The following EHMT1 variants were observed in gnomAD, a reference collection of about 807,000 sequenced individuals.
The protein encoded by EHMT1 is euchromatic histone lysine methyltransferase 1, also known as histone-lysine N-methyltransferase EHMT1.
In EHMT1, 15 loss-of-function variants were observed where a neutral mutation model predicts 147.2. The observed-to-expected ratio is 0.10, with a 90% CI of 0.07 to 0.16. The LOEUF is 0.16. EHMT1 is among the 10% of genes least tolerant of loss of function. The pLI, the probability that EHMT1 is intolerant of heterozygous loss-of-function variation, is 1.00. For synonymous variants in EHMT1, 795 were observed against 709.6 expected, an observed-to-expected ratio of 1.12 and a Z score of -1.91; for missense variants, 1,587 against 1,772.4, an observed-to-expected ratio of 0.90 and a Z score of 1.88.
chr9:137,807,478 C>CTTAT (rs60007941), intron 18 of EHMT1, among the ~76,000 whole-genome samples: 188 of 148,106 alleles, frequency 1.3e-3, no homozygotes, highest in East Asian at 3.2e-3. Context: ...GCTTTATTTA[C>CTTAT]TTATTTATTT....
In EHMT1 at chr9:137,776,592, A is replaced by T. The variant is rs59999550; in HGVS notation, c.1792-26A>T. 7.7e-4 allele frequency: 1,232 copies of T among 1,603,196 alleles called. 8 individuals are homozygous for T. The African/African-American group carries it at 0.014, about 18-fold the overall frequency. ...AATATTAACCCCAATTAAAACAAAA[A>T]TTTTTTTTTGTCCTCCCATTTTTAG... is the stretch of plus-strand genomic sequence containing the variant. On this transcript the variant is annotated intron_variant, in intron 11 of 26. Transcript: ENST00000460843. This position sits in a 1 kb window ranked among gnomAD's most constrained non-coding sequence, Gnocchi z 4.4.
intron 25 of EHMT1, among the ~76,000 whole-genome samples, chr9:137,832,083 C>T (rs1215766150): frequency 3.2e-4 from 48 of 148,606 alleles, no homozygotes; most frequent in South Asian, 4.3e-4. Context: ...CCTACGTGGC[C>T]GCTGCACTTC....
intron 3 of EHMT1, among the ~76,000 whole-genome samples, chr9:137,727,764 A>G (rs1407728511): frequency 6.6e-6 from 1 of 152,234 alleles, no homozygotes; most frequent in African/African-American, 2.4e-5. Flanking sequence ...TGTTGGTATC[A>G]CAGCCTTGCC....
intron 1 of EHMT1, among the ~76,000 whole-genome samples, chr9:137,634,366 AGTT>A (rs1430149092): frequency 6.6e-6 from 1 of 152,198 alleles, no homozygotes; most frequent in Non-Finnish European, 1.5e-5. Context: ...TTTCATGTAC[AGTT>A]GGCTCAGCAG....
intron 1 of EHMT1, among the ~76,000 whole-genome samples, chr9:137,622,239 T>C (rs1977480): frequency 0.052 from 7,897 of 151,848 alleles, 264 homozygotes; most frequent in South Asian, 0.15. Flanking sequence ...GTGCCTCAGC[T>C]TTCCTGGTAG....
chr9:137,731,904 AG>A lies in EHMT1; in HGVS notation c.823+3377del, dbSNP rs1302240591. Among the ~76,000 whole-genome samples, 1 of 152,178 alleles carries A rather than the reference AG, an allele frequency of 6.6e-6. No homozygotes were observed. The highest frequency in any genetic ancestry group is 1.5e-5 in the Non-Finnish European group (1 of 68,016). On this transcript the variant is annotated intron_variant, in intron 4 of 26. Transcript: ENST00000460843. The surrounding 1 kb of genome is among the most constrained non-coding windows in gnomAD (Gnocchi z 4.3). ...CTCTGTGCAGAGCTGTGGCTGGATG[AG>A]GCATACCACAAGCAGTTTACACTGC...
At chr9:137,760,785 A>G (rs1457205446) in intron 9 of EHMT1, among the ~76,000 whole-genome samples, 3 of 152,224 alleles carry the variant, frequency 2.0e-5, no homozygotes, top group Non-Finnish European at 4.4e-5. Context: ...CGAGGTGGGC[A>G]GATCACAAGG....
intron 1 of EHMT1, among the ~76,000 whole-genome samples, chr9:137,632,928 G>A (rs1469275887): frequency 6.6e-6 from 1 of 152,208 alleles, no homozygotes; most frequent in Non-Finnish European, 1.5e-5. Context: ...GACCTCATCA[G>A]GTTTGCGTGT....
At chr9:137,817,354 A>G (rs560305356) in intron 23 of EHMT1, 85 bp from the exon 24 acceptor site, 2 of 1,468,432 alleles carry the variant, frequency 1.4e-6, no homozygotes, top group African/African-American at 1.4e-5. Flanking sequence ...CATTTCAGTG[A>G]CGTGGCACCA....
At chr9:137,730,682 A>T (rs1206704761) in intron 4 of EHMT1, among the ~76,000 whole-genome samples, 1 of 152,108 alleles carries the variant, frequency 6.6e-6, no homozygotes, top group East Asian at 1.9e-4. Flanking sequence ...TGTTGCTCAC[A>T]TTGTCCCAAG....
In EHMT1 at chr9:137,731,837, C is replaced by T. The variant is rs935366003; in HGVS notation, c.823+3308C>T. On this transcript the variant is annotated intron_variant, in intron 4 of 26. Coordinates refer to ENST00000460843, the MANE Select transcript of EHMT1 (RefSeq NM_024757.5). The surrounding 1 kb of genome is among the most constrained non-coding windows in gnomAD (Gnocchi z 4.3). ...GTGGGGCCACTGTGCACAGCCAGGC[C>T]TGCTTGGCTGCTGTGGTGGGGCAGG... 6.6e-6 allele frequency among the ~76,000 whole-genome samples: 1 copy of T among 152,234 alleles called. No homozygotes were observed. Among genetic ancestry groups the T allele is most frequent in the African/African-American group, 2.4e-5 (1 of 41,458 alleles).
intron 25 of EHMT1, among the ~76,000 whole-genome samples, chr9:137,830,212 G>T (rs149205537): frequency 6.6e-6 from 1 of 152,048 alleles, no homozygotes. Flanking sequence ...AGGCGAGCCC[G>T]TCTCCTTTGG....
chr9:137,717,293 C>T (rs372827513), intron 3 of EHMT1, 111 bp downstream of exon 3: 35 of 1,384,042 alleles, frequency 2.5e-5, no homozygotes, highest in Middle Eastern at 2.4e-4. Context: ...AGTGGTTATC[C>T]GACAGGGCCT....
At chr9:137,734,537 A>G (rs1947372106) in intron 4 of EHMT1, among the ~76,000 whole-genome samples, 1 of 152,214 alleles carries the variant, frequency 6.6e-6, no homozygotes. Flanking sequence ...GGAGTCCAGG[A>G]AGAAGAGAGT....
chr9:137,774,922 C>G (rs1015155642), intron 10 of EHMT1, among the ~76,000 whole-genome samples, 187 bp from the exon 11 acceptor site: 2 of 152,202 alleles, frequency 1.3e-5, no homozygotes, highest in African/African-American at 4.8e-5. Flanking sequence ...TGTTTGTCCC[C>G]CGTGCTGAGG....
At chr9:137,686,168 T>G (rs145288478) in intron 1 of EHMT1, among the ~76,000 whole-genome samples, 1 of 152,346 alleles carries the variant, frequency 6.6e-6, no homozygotes, top group East Asian at 1.9e-4. Flanking sequence ...TGTCTTTTTA[T>G]TTCTTGATGG....
At chr9:137,637,266 C>G (rs1200827436) in intron 1 of EHMT1, among the ~76,000 whole-genome samples, 2 of 152,116 alleles carry the variant, frequency 1.3e-5, no homozygotes, top group African/African-American at 4.8e-5. Flanking sequence ...GCCTCCGCCT[C>G]CTGGGTTCAA....
At chr9:137,754,852 C>A (rs1949256477) in intron 8 of EHMT1, among the ~76,000 whole-genome samples, 1 of 152,184 alleles carries the variant, frequency 6.6e-6, no homozygotes, top group Admixed American at 6.5e-5. Context: ...CGAGGTGAAT[C>A]ATTTGCTGCC....
In EHMT1 at chr9:137,814,759, C is replaced by T. The variant is rs920326248; in HGVS notation, c.3258+251C>T. 77 of 565,560 alleles carry T rather than the reference C, an allele frequency of 1.4e-4. 1 individual carries two copies. Among genetic ancestry groups the T allele is most frequent in the Non-Finnish European group, 1.9e-4 (60 of 313,220 alleles). The allele number at this position is 565,560 out of a possible 1,614,324, so 35.0% of individuals were successfully genotyped here. ...TCCTTTGTGGCTGCCTGGATGGTGG[C>T]GGGGGTGGGCAGCGTCAGCCTGGCT... On this transcript the variant is annotated intron_variant, in intron 22 of 26. Coordinates refer to ENST00000460843, the MANE Select transcript of EHMT1 (RefSeq NM_024757.5).
Sources: gnomAD v4.1 joint callset for allele counts (sites outside exome capture counted in the v4.1 genomes callset) on GRCh38, gnomAD v4.1.1 for gene constraint, Gnocchi (gnomAD v3.1) non-coding constraint, MANE v1.5 for transcripts, NCBI Gene and HGNC (gene_info 2026-07-23, HGNC 2026-07-21) for gene names.